The following EPB41L1 variants were observed in gnomAD, a reference collection of about 807,000 sequenced individuals.
The protein encoded by EPB41L1 is erythrocyte membrane protein band 4.1 like 1.
In EPB41L1, 29 loss-of-function variants were observed where a neutral mutation model predicts 97.8. That is an observed-to-expected ratio of 0.30 (90% confidence interval 0.22 to 0.40). EPB41L1 has a LOEUF of 0.40. EPB41L1 is among the 10% of genes least tolerant of loss of function. The probability of loss-of-function intolerance (pLI) is 1.00; values close to 1 mark genes in which losing one functional copy is unlikely to be tolerated. For synonymous variants in EPB41L1, 383 were observed against 459.2 expected, an observed-to-expected ratio of 0.83 and a Z score of 2.12; for missense variants, 812 against 1,162.3, an observed-to-expected ratio of 0.70 and a Z score of 4.38.
At chr20:36,179,014 G>T (rs1213719283) in intron 5 of EPB41L1, among the ~76,000 whole-genome samples, 3 of 151,546 alleles carry the variant, frequency 2.0e-5, no homozygotes, top group Admixed American at 1.3e-4. Context: ...GGCAGAGGTT[G>T]TGGTGAGCTG....
chr20:36,221,922 A>T lies in EPB41L1; in HGVS notation c.2498A>T (p.Asp833Val). The change falls in exon 20 of 22, where the codon GAT becomes GTT. Residue 833 changes from aspartate (D) to valine (V), a missense_variant. Physicochemically the swap from Asp to Val is radical, Grantham distance 152 (BLOSUM62 -3). This residue lies in a region of EPB41L1 where 498 missense variants were observed against 622.7 expected (regional missense o/e 0.80). Transcript: ENST00000338074. ...RIEKRIIITG[D>V]EDVDQDQALA... ...GAGAAGCGAATCATCATTACTGGGG[A>T]TGAAGATGTCGATCAAGACCAGGTA... The T allele has an allele frequency of 6.2e-7, 1 of 1,614,116 alleles. No homozygotes were observed.
At chr20:36,108,966 T>C (rs1040796842) in intron 1 of EPB41L1, among the ~76,000 whole-genome samples, 5 of 150,622 alleles carry the variant, frequency 3.3e-5, no homozygotes, top group African/African-American at 1.2e-4. Context: ...TTTTTTGAGA[T>C]GGAGTCTCGC....
At chr20:36,210,968 G>T (rs1299763611) in intron 15 of EPB41L1, among the ~76,000 whole-genome samples, 1 of 152,190 alleles carries the variant, frequency 6.6e-6, no homozygotes, top group African/African-American at 2.4e-5. Flanking sequence ...CAGGAGCTGA[G>T]GCAAGAAGGC....
At position 36,212,816 on chromosome 20, in the gene EPB41L1, AT is replaced by A. The variant is rs1430138163; in HGVS notation, c.2184+446del. Among the ~76,000 whole-genome samples, 2 of 152,198 alleles carry A rather than the reference AT, an allele frequency of 1.3e-5. No individual in the cohort carries two copies. Among genetic ancestry groups the A allele is most frequent in the Non-Finnish European group, 1.5e-5 (1 of 68,036 alleles). On this transcript the variant is annotated intron_variant, in intron 16 of 21. Coordinates refer to ENST00000338074, the MANE Select transcript of EPB41L1 (RefSeq NM_012156.2). The surrounding 1 kb of genome is among the most constrained non-coding windows in gnomAD (Gnocchi z 4.8). The stretch of plus-strand genomic sequence containing the variant: ...CAGTCAGAATAGCTCACCTTGGGTC[AT>A]TTTTTATGCATTAGAGTTCCACATC...
At chr20:36,169,525 C>G (rs2060890241) in intron 1 of EPB41L1, among the ~76,000 whole-genome samples, 1 of 152,176 alleles carries the variant, frequency 6.6e-6, no homozygotes, top group African/African-American at 2.4e-5. Flanking sequence ...CTCCGTCACT[C>G]CTCCCAAGCT....
upstream of EPB41L1, among the ~76,000 whole-genome samples, chr20:36,153,579 G>A (rs1600627034): frequency 6.6e-6 from 1 of 152,174 alleles, no homozygotes; most frequent in Non-Finnish European, 1.5e-5. Context: ...GTGGACCCAT[G>A]GACAGAAATC....
chr20:36,213,811 A>G (rs1313546319), intron 16 of EPB41L1, among the ~76,000 whole-genome samples: 1 of 152,212 alleles, frequency 6.6e-6, no homozygotes, highest in Non-Finnish European at 1.5e-5. Context: ...CTACATCTCT[A>G]TATACTTAAC....
chr20:36,194,251 A>G lies in EPB41L1; in HGVS notation c.1340A>G (p.Asp447Gly), dbSNP rs1175233767. ...CCAGCCTCGGTCAGCGAGAACCATGATGCAGGGCCTGACGGTGACAAGCGG... is the reference window on the plus strand; with the variant it reads ...CCAGCCTCGGTCAGCGAGAACCATGGTGCAGGGCCTGACGGTGACAAGCGG... The part of the protein sequence containing the change: ...SRPASVSENH[D>G]AGPDGDKRDE... Residue 447 changes from aspartate (D) to glycine (G), a missense_variant, in exon 12 of 22, where the codon GAT becomes GGT. By Grantham distance (94) the Asp-to-Gly change is moderately conservative (BLOSUM62 -1). This residue lies in a region of EPB41L1 where 498 missense variants were observed against 622.7 expected (regional missense o/e 0.80). Transcript: ENST00000338074. 6.2e-7 allele frequency: 1 copy of G among 1,614,032 alleles called. No homozygotes were observed.
chr20:36,162,118 A>G (rs1275960951), intron 1 of EPB41L1, among the ~76,000 whole-genome samples: 1 of 152,196 alleles, frequency 6.6e-6, no homozygotes, highest in Non-Finnish European at 1.5e-5. Flanking sequence ...AGTCTTCTCA[A>G]TAGAGGTTAA....
rs1180560259 is a variant in EPB41L1 at position 36,206,253 on chromosome 20, T to C, written c.1669-3235T>C. The C allele has an allele frequency of 3.9e-6, 5 of 1,289,908 alleles. No individual in the cohort carries two copies. Among genetic ancestry groups the C allele is most frequent in the African/African-American group, 3.0e-5 (2 of 66,004 alleles). The allele number at this position is 1,289,908 out of a possible 1,614,324, so 79.9% of individuals were successfully genotyped here. On this transcript the variant is annotated intron_variant, in intron 14 of 21. Coordinates refer to ENST00000338074, the MANE Select transcript of EPB41L1 (RefSeq NM_012156.2). This position sits in a 1 kb window ranked among gnomAD's most constrained non-coding sequence, Gnocchi z 5.5. ...CCATCAGGAACCGCTGCATGTCAGA[T>C]GGTCAGCCGGAGGGCCAGACAGAGC...
intron 21 of EPB41L1, among the ~76,000 whole-genome samples, chr20:36,227,242 A>T (rs779339493): frequency 6.6e-6 from 1 of 152,090 alleles, no homozygotes; most frequent in East Asian, 1.9e-4. Flanking sequence ...GCTTGAGTCC[A>T]GGAGGTCCAG....
chr20:36,121,306 C>T (rs1029348678), intron 2 of EPB41L1, among the ~76,000 whole-genome samples: 4 of 152,160 alleles, frequency 2.6e-5, no homozygotes, highest in Non-Finnish European at 5.9e-5. Context: ...TCATATCGTT[C>T]TCTGGCATTT....
chr20:36,169,789 A>T (rs1454527325), intron 1 of EPB41L1, among the ~76,000 whole-genome samples: 1 of 152,196 alleles, frequency 6.6e-6, no homozygotes, highest in African/African-American at 2.4e-5. Context: ...TCTAGGCTAT[A>T]GTCCAGATCA....
chr20:36,105,219 A>C (rs2058151387), intron 1 of EPB41L1, among the ~76,000 whole-genome samples: 3 of 152,186 alleles, frequency 2.0e-5, no homozygotes, highest in African/African-American at 7.2e-5. Flanking sequence ...GGCACTGTAC[A>C]GCCCTGGACT....
intron 6 of EPB41L1, among the ~76,000 whole-genome samples, chr20:36,183,717 A>G (rs374970659): frequency 6.6e-6 from 1 of 152,308 alleles, no homozygotes; most frequent in African/African-American, 2.4e-5. Flanking sequence ...GAAATGAAAG[A>G]TTGGTCAGAA....
chr20:36,179,907 C>T (rs574021842), intron 5 of EPB41L1, among the ~76,000 whole-genome samples: 7 of 152,338 alleles, frequency 4.6e-5, no homozygotes, highest in African/African-American at 1.7e-4. Flanking sequence ...CAGGCTGTCC[C>T]CCAGGAGCCC....
chr20:36,205,769 T>C, intron 14 of EPB41L1: 1 of 1,211,170 alleles, frequency 8.3e-7, no homozygotes. Flanking sequence ...ATTGGTCCCC[T>C]CTTACAAAGG....
At position 36,185,153 on chromosome 20, in the gene EPB41L1, C is replaced by T. The variant is rs917937075; in HGVS notation, c.603C>T (p.Ile201=). Residue 201 remains isoleucine, a synonymous_variant, in exon 7 of 22, where the codon ATC becomes ATT. Transcript: ENST00000338074. ...YLCLQLRADI[I]TGRLPCSFVT... ...GCCTGCAGCTGCGGGCAGACATCAT[C>T]ACGGGCCGGCTGCCATGCTCCTTTG... 1.2e-6 allele frequency: 2 copies of T among 1,612,780 alleles called. No homozygotes were observed. The highest frequency in any genetic ancestry group is 1.7e-6 in the Non-Finnish European group (2 of 1,180,034).
chr20:36,188,547 T>C, intron 9 of EPB41L1, 48 bp downstream of exon 9: 3 of 1,455,686 alleles, frequency 2.1e-6, no homozygotes. Flanking sequence ...TCAACTAGAA[T>C]GGAGTGGACC....
Sources: allele counts gnomAD v4.1 joint callset (sites outside exome capture counted in the v4.1 genomes callset), GRCh38; gene constraint gnomAD v4.1.1; regional missense constraint gnomAD v4.1.1; non-coding constraint Gnocchi (gnomAD v3.1); transcripts MANE v1.5; gene names NCBI Gene and HGNC (gene_info 2026-07-23, HGNC 2026-07-21).